TSPAN9: variants seen among roughly 807,000 people sequenced by gnomAD.
TSPAN9 encodes the protein tetraspanin 9.
A neutral mutation model predicts 31.0 loss-of-function variants in TSPAN9; 16 were observed. That is an observed-to-expected ratio of 0.52 (90% CI 0.35 to 0.78). TSPAN9 has a LOEUF of 0.78. Ranked by LOEUF, TSPAN9 falls within the 30% of genes least tolerant of loss-of-function variation. The probability of loss-of-function intolerance (pLI) is 0.01; values close to 1 mark genes in which losing one functional copy is unlikely to be tolerated. For synonymous variants in TSPAN9, 145 were observed against 121.6 expected (o/e 1.19, Z -1.27); for missense variants, 272 against 312.5 (o/e 0.87, Z 0.98).
chr12:3,268,207 C>CGTTCCTGCAGCCTGCCCTCTCTGT (rs1407593496), intron 3 of TSPAN9, among the ~76,000 whole-genome samples: 3 of 114,266 alleles, frequency 2.6e-5, no homozygotes, highest in Admixed American at 8.6e-5. Context: ...GCCCTCTGTG[C>CGTTCCTGCAGCCTGCCCTCTCTGT]GTTCCTGCAG....
intron 3 of TSPAN9, among the ~76,000 whole-genome samples, chr12:3,208,702 C>T (rs926082678): frequency 6.6e-6 from 1 of 152,190 alleles, no homozygotes; most frequent in Non-Finnish European, 1.5e-5. Flanking sequence ...TGTAAATTCA[C>T]GTACTTAAAA....
intron 3 of TSPAN9, among the ~76,000 whole-genome samples, chr12:3,249,809 G>A (rs903142418): frequency 6.6e-6 from 1 of 152,168 alleles, no homozygotes; most frequent in Non-Finnish European, 1.5e-5. Context: ...GATGGAGCCA[G>A]GATTTGAACT....
intron 2 of TSPAN9, among the ~76,000 whole-genome samples, chr12:3,089,223 C>T (rs1464783821): frequency 6.9e-6 from 1 of 144,554 alleles, no homozygotes; most frequent in African/African-American, 2.6e-5. Context: ...CAGAGCGAGA[C>T]TCCATCTCAA....
intron 2 of TSPAN9, among the ~76,000 whole-genome samples, chr12:3,089,747 C>T (rs1565571510): frequency 6.6e-6 from 1 of 151,172 alleles, no homozygotes; most frequent in Non-Finnish European, 1.5e-5. Context: ...CCTGACTCTA[C>T]AAAAAATTAA....
At chr12:3,188,002 C>A (rs879048842) in intron 2 of TSPAN9, among the ~76,000 whole-genome samples, 1 of 152,200 alleles carries the variant, frequency 6.6e-6, no homozygotes, top group Middle Eastern at 3.4e-3. Flanking sequence ...CCCAGGGTGG[C>A]GTACCTATGG....
intron 3 of TSPAN9, among the ~76,000 whole-genome samples, chr12:3,232,808 C>T (rs2098391473): frequency 6.6e-6 from 1 of 152,260 alleles, no homozygotes; most frequent in Non-Finnish European, 1.5e-5. Flanking sequence ...TCTCAGTGGG[C>T]ACCTGCAGGT....
At chr12:3,279,144 C>A in intron 5 of TSPAN9, 78 bp downstream of exon 5, 1 of 1,347,284 alleles carries the variant, frequency 7.4e-7, no homozygotes, top group Non-Finnish European at 1.1e-6. Context: ...AGGGTCCCTT[C>A]CCTGGCCAGA....
intron 1 of TSPAN9, among the ~76,000 whole-genome samples, chr12:3,081,842 G>GTATA (rs1226231378): frequency 1.8e-5 from 1 of 56,416 alleles, no homozygotes. Flanking sequence ...GTGTCTGTGT[G>GTATA]TGTATATATA....
At chr12:3,193,264 C>T (rs1011598857) in intron 2 of TSPAN9, among the ~76,000 whole-genome samples, 5 of 152,126 alleles carry the variant, frequency 3.3e-5, no homozygotes, top group African/African-American at 1.2e-4. Flanking sequence ...AGCTGACCCA[C>T]AGTAACCAGG....
At chr12:3,112,688 T>C (rs2098319723) in intron 2 of TSPAN9, among the ~76,000 whole-genome samples, 1 of 138,230 alleles carries the variant, frequency 7.2e-6, no homozygotes, top group South Asian at 2.5e-4. Flanking sequence ...TTTTTTTTTT[T>C]TTTTTTTGGA....
Position 3,187,730 on chromosome 12 carries a change from G to A in TSPAN9, c.-17-13447G>A, listed in dbSNP as rs534262770. Among the ~76,000 whole-genome samples the A allele has an allele frequency of 1.9e-3, 293 of 152,122 alleles. 2 individuals are homozygous for A. Among genetic ancestry groups the A allele is most frequent in the East Asian group, 2.3e-3 (12 of 5,152 alleles). On this transcript the variant is annotated intron_variant, in intron 2 of 8. Transcript: ENST00000011898. This position sits in a 1 kb window ranked among gnomAD's most constrained non-coding sequence, Gnocchi z 5.2. ...GTCTTGGCTTGCGGTATTCAGGCAC[G>A]CAGGCCTCTCTCTCCTCTGTCCTCA...
intron 2 of TSPAN9, among the ~76,000 whole-genome samples, chr12:3,138,477 T>G (rs927762659): frequency 2.6e-5 from 4 of 151,390 alleles, no homozygotes; most frequent in African/African-American, 9.7e-5. Context: ...TTTTTTCTTT[T>G]TTTTGAGACA....
At chr12:3,184,417 A>T (rs762472062) in intron 2 of TSPAN9, among the ~76,000 whole-genome samples, 3 of 151,428 alleles carry the variant, frequency 2.0e-5, no homozygotes, top group Non-Finnish European at 4.4e-5. Context: ...AAAAGAAAGA[A>T]AGAGAAAGAG....
chr12:3,172,015 A>G lies in TSPAN9; in HGVS notation c.-17-29162A>G, dbSNP rs748786091. On this transcript the variant is annotated intron_variant, in intron 2 of 8. Coordinates refer to ENST00000011898, the MANE Select transcript of TSPAN9 (RefSeq NM_006675.5). This position sits in a 1 kb window ranked among gnomAD's most constrained non-coding sequence, Gnocchi z 4.8. ...CCCCACGGTGTCAGGTAGCTAGTTTATGGGTCCCATCCTGGTTGTGATAAC... is the reference window on the plus strand; with the variant it reads ...CCCCACGGTGTCAGGTAGCTAGTTTGTGGGTCCCATCCTGGTTGTGATAAC... The G allele has an allele frequency of 6.6e-6, 1 of 152,236 alleles. No homozygotes were observed. Among genetic ancestry groups the G allele is most frequent in the Non-Finnish European group, 1.5e-5 (1 of 68,054 alleles). 9.4% of individuals were successfully genotyped at this position (152,236 alleles called of 1,614,324 possible). A position where few individuals can be genotyped will look rare whatever the true frequency, so the allele number is the denominator to read the frequency against.
At chr12:3,131,330 A>G (rs2058245) in intron 2 of TSPAN9, among the ~76,000 whole-genome samples, 78,443 of 151,932 alleles carry the variant, frequency 0.52, 22,277 homozygotes, top group Admixed American at 0.62. Flanking sequence ...GAGCCTGGAC[A>G]TGCCGAAGCT....
intron 3 of TSPAN9, among the ~76,000 whole-genome samples, chr12:3,262,756 C>G (rs966288706): frequency 6.6e-6 from 1 of 152,056 alleles, no homozygotes; most frequent in East Asian, 1.9e-4. Context: ...TGGACTCAGA[C>G]GTAATTGATT....
At chr12:3,141,986 G>T (rs2098335080) in intron 2 of TSPAN9, among the ~76,000 whole-genome samples, 1 of 152,178 alleles carries the variant, frequency 6.6e-6, no homozygotes, top group Non-Finnish European at 1.5e-5. Context: ...TTCCCATGTG[G>T]CCAGCAGGTG....
At chr12:3,220,476 C>T (rs1258419097) in intron 3 of TSPAN9, among the ~76,000 whole-genome samples, 4 of 152,190 alleles carry the variant, frequency 2.6e-5, no homozygotes, top group Admixed American at 6.5e-5. Context: ...GCATAGTCTG[C>T]GGCACAGCAT....
At chr12:3,122,273 GCA>G (rs1049317970) in intron 2 of TSPAN9, among the ~76,000 whole-genome samples, 1 of 134,644 alleles carries the variant, frequency 7.4e-6, no homozygotes, top group Non-Finnish European at 1.6e-5. Flanking sequence ...GGTGGAGCTT[GCA>G]GTGAGCCTGC....
Sources: gnomAD v4.1 joint callset for allele counts (sites outside exome capture counted in the v4.1 genomes callset) on GRCh38, gnomAD v4.1.1 for gene constraint, Gnocchi (gnomAD v3.1) non-coding constraint, MANE v1.5 for transcripts, NCBI Gene and HGNC (gene_info 2026-07-23, HGNC 2026-07-21) for gene names.